The following CAMTA1 variants were observed in gnomAD, a reference collection of about 807,000 sequenced individuals.
CAMTA1 encodes calmodulin binding transcription activator 1, also known as calmodulin-binding transcription activator 1.
In CAMTA1, 27 loss-of-function variants were observed where a neutral mutation model predicts 170.9. The observed-to-expected ratio is 0.16, with a 90% CI of 0.12 to 0.22. The LOEUF (loss-of-function observed/expected upper bound fraction) is 0.22. Among genes scored for constraint, CAMTA1 ranks in the 10% least tolerant of loss-of-function variants. CAMTA1 has a pLI of 1.00. For synonymous variants in CAMTA1, 833 were observed against 891.5 expected, an observed-to-expected ratio of 0.93 and a Z score of 1.17; for missense variants, 1,619 against 2,217.2, an observed-to-expected ratio of 0.73 and a Z score of 5.42.
At chr1:7,323,228 T>G (rs80289260) in intron 5 of CAMTA1, among the ~76,000 whole-genome samples, 5,151 of 152,124 alleles carry the variant, frequency 0.034, 299 homozygotes, top group African/African-American at 0.12. Context: ...TTCAATATAT[T>G]TTCCAATTTT....
In CAMTA1 at chr1:6,830,973, C is replaced by T. The variant is rs113953534; in HGVS notation, c.234+5763C>T. Among the ~76,000 whole-genome samples the T allele has an allele frequency of 9.9e-5, 15 of 152,106 alleles. 1 individual carries two copies. Among genetic ancestry groups the T allele is most frequent in the African/African-American group, 3.1e-4 (13 of 41,494 alleles). On this transcript the variant is annotated intron_variant, in intron 3 of 22. Coordinates refer to ENST00000303635, the MANE Select transcript of CAMTA1 (RefSeq NM_015215.4). ...AGCTGGGACTACAGGCACCCGTCAC[C>T]ACGCCCAGCCAATTTTTTGTATTTT...
chr1:7,000,723 T>C (rs1249665687), intron 3 of CAMTA1, among the ~76,000 whole-genome samples: 1 of 152,224 alleles, frequency 6.6e-6, no homozygotes, highest in Non-Finnish European at 1.5e-5. Context: ...TTCCCACCCT[T>C]ACCTGTTGAC....
At chr1:7,055,280 C>T (rs990259299) in intron 3 of CAMTA1, among the ~76,000 whole-genome samples, 1 of 152,192 alleles carries the variant, frequency 6.6e-6, no homozygotes, top group African/African-American at 2.4e-5. Flanking sequence ...TAACTGGTAG[C>T]TCTTACTAAA....
chr1:7,074,158 G>C, intron 3 of CAMTA1, among the ~76,000 whole-genome samples: 1 of 152,250 alleles, frequency 6.6e-6, no homozygotes, highest in East Asian at 1.9e-4. Context: ...ACAAGTTTGG[G>C]TAAATTCCCC....
chr1:7,505,290 A>G (rs893285799), intron 6 of CAMTA1, among the ~76,000 whole-genome samples: 2 of 152,220 alleles, frequency 1.3e-5, no homozygotes, highest in African/African-American at 4.8e-5. Flanking sequence ...CCCGGCAGCC[A>G]AGTCGAGGCT....
At chr1:6,897,798 T>C (rs1675975061) in intron 3 of CAMTA1, among the ~76,000 whole-genome samples, 2 of 152,200 alleles carry the variant, frequency 1.3e-5, no homozygotes, top group South Asian at 4.1e-4. Flanking sequence ...TGTGTTTAAC[T>C]GCTTTGAATG....
At chr1:7,346,488 A>G (rs1422731071) in intron 5 of CAMTA1, among the ~76,000 whole-genome samples, 2 of 152,196 alleles carry the variant, frequency 1.3e-5, no homozygotes, top group African/African-American at 4.8e-5. Context: ...CTTTCTTCTT[A>G]ACTGGGTGAA....
intron 4 of CAMTA1, among the ~76,000 whole-genome samples, chr1:7,230,056 G>A (rs909163699): frequency 6.6e-6 from 1 of 152,108 alleles, no homozygotes. Flanking sequence ...AGAAGGGGCT[G>A]AGGTATGTGG....
At chr1:7,398,653 G>A (rs1009513284) in intron 5 of CAMTA1, among the ~76,000 whole-genome samples, 1 of 151,994 alleles carries the variant, frequency 6.6e-6, no homozygotes, top group African/African-American at 2.4e-5. Flanking sequence ...ATTATTGATA[G>A]GTAAGGACTT....
intron 5 of CAMTA1, among the ~76,000 whole-genome samples, chr1:7,311,031 A>G (rs994604761): frequency 3.7e-4 from 57 of 152,270 alleles, no homozygotes; most frequent in African/African-American, 1.3e-3. Flanking sequence ...GTGCCCAGCC[A>G]ACAAGATTGT....
At chr1:7,415,142 G>A (rs2091070927) in intron 5 of CAMTA1, among the ~76,000 whole-genome samples, 1 of 152,042 alleles carries the variant, frequency 6.6e-6, no homozygotes. Flanking sequence ...TATAATTTCT[G>A]TTCTTTTACA....
chr1:7,354,599 AGT>A (rs2084956805), intron 5 of CAMTA1, among the ~76,000 whole-genome samples: 1 of 152,212 alleles, frequency 6.6e-6, no homozygotes, highest in Non-Finnish European at 1.5e-5. Context: ...GGGACTGCTG[AGT>A]TGAATGGTAG....
intron 3 of CAMTA1, among the ~76,000 whole-genome samples, chr1:6,830,280 G>A (rs535826369): frequency 9.9e-5 from 15 of 150,842 alleles, no homozygotes; most frequent in East Asian, 3.9e-4. Flanking sequence ...TCCTGACCTC[G>A]TGATCCGCCC....
Position 7,481,488 on chromosome 1 carries a change from C to A in CAMTA1, c.510+13587C>A, listed in dbSNP as rs80327071. On this transcript the variant is annotated intron_variant, in intron 6 of 22. Coordinates refer to ENST00000303635, the MANE Select transcript of CAMTA1 (RefSeq NM_015215.4). Reference sequence around the variant, plus strand: ...TCAGGTCTCCTTTCAACTTTCAACTCCACATCAAAGCCCTCTTGACACTCC... The same window carrying A: ...TCAGGTCTCCTTTCAACTTTCAACTACACATCAAAGCCCTCTTGACACTCC... Among the ~76,000 whole-genome samples, 990 of 152,314 alleles carry A rather than the reference C, an allele frequency of 6.5e-3. 8 individuals are homozygous for A. Among genetic ancestry groups the A allele is most frequent in the African/African-American group, 0.023 (957 of 41,566 alleles).
chr1:6,848,783 G>A (rs1659282175), intron 3 of CAMTA1, among the ~76,000 whole-genome samples: 1 of 152,182 alleles, frequency 6.6e-6, no homozygotes, highest in African/African-American at 2.4e-5. Context: ...TAAATACTTA[G>A]GGGAGTTCAC....
At chr1:7,459,473 G>A (rs1203147556) in intron 5 of CAMTA1, among the ~76,000 whole-genome samples, 2 of 152,168 alleles carry the variant, frequency 1.3e-5, no homozygotes, top group Non-Finnish European at 2.9e-5. Context: ...GGAAAGTGCT[G>A]GAAGGTTTTC....
intron 6 of CAMTA1, among the ~76,000 whole-genome samples, chr1:7,512,279 TGTAA>T (rs2094211412): frequency 6.6e-6 from 1 of 152,196 alleles, no homozygotes; most frequent in Non-Finnish European, 1.5e-5. Flanking sequence ...TCATCAGTTA[TGTAA>T]CATGTGGAAG....
At chr1:7,340,685 C>T (rs897571899) in intron 5 of CAMTA1, among the ~76,000 whole-genome samples, 1 of 151,696 alleles carries the variant, frequency 6.6e-6, no homozygotes, top group Non-Finnish European at 1.5e-5. Flanking sequence ...TTGCTTCTTC[C>T]ATCCATCTAG....
chr1:7,378,213 C>T (rs2149045019), intron 5 of CAMTA1, among the ~76,000 whole-genome samples: 1 of 152,306 alleles, frequency 6.6e-6, no homozygotes, highest in Admixed American at 6.5e-5. Context: ...CACTGTAGCA[C>T]CTGCTATTCC....
Sources: allele counts gnomAD v4.1 joint callset (sites outside exome capture counted in the v4.1 genomes callset), GRCh38; gene constraint gnomAD v4.1.1; transcripts MANE v1.5; gene names NCBI Gene and HGNC (gene_info 2026-07-23, HGNC 2026-07-21).